Variants in FUT1 observed in about 807,000 individuals in gnomAD.
FUT1 encodes the protein galactoside alpha-(1,2)-fucosyltransferase 1.
For synonymous variants in FUT1, 215 were observed against 208.7 expected (o/e 1.03, Z -0.26); for missense variants, 476 against 492.7 (o/e 0.97, Z 0.32).
At chr19:48,753,200 C>CA (rs1453617402), upstream of FUT1, 2 of 152,318 alleles carry the variant, frequency 1.3e-5, no homozygotes, top group Non-Finnish European at 2.9e-5. Context: ...CTCCCGCGCC[C>CA]ACCAGGGTCT....
chr19:48,750,710 A>G lies in FUT1; in HGVS notation c.572T>C (p.Leu191Pro), dbSNP rs2033985172. The change falls in exon 2 of 2, where the codon CTT (leucine) becomes CCT (proline). Residue 191 changes from leucine (L) to proline (P), a missense_variant. Transcript: ENST00000645652. ...IRREFTLHDH[L>P]REEAQSVLGQ... ...CAGCACACTCTGCGCCTCTTCCCGA[A>G]GGTGGTCGTGCAGGGTGAACTCTCT... 1 of 1,613,376 alleles carries G rather than the reference A, an allele frequency of 6.2e-7. No individual in the cohort carries two copies.
rs11666959 is a variant in FUT1 at position 48,751,878 on chromosome 19, G to T, written c.-2-595C>A. Among the ~76,000 whole-genome samples the T allele has an allele frequency of 3.4e-3, 521 of 152,078 alleles. 1 individual carries two copies. The highest frequency in any genetic ancestry group is 0.02 in the Middle Eastern group (6 of 294). Reference sequence around the variant, plus strand: ...AGGCAGGAGAATCGCCTGAACCCGGGGGGCGGGAGTTGCGGTGAGCTGAGA... The same window carrying T: ...AGGCAGGAGAATCGCCTGAACCCGGTGGGCGGGAGTTGCGGTGAGCTGAGA... On this transcript the variant is annotated intron_variant, in intron 1 of 1. Coordinates refer to ENST00000645652, the MANE Select transcript of FUT1 (RefSeq NM_001384359.1).
At position 48,750,799 on chromosome 19, in the gene FUT1, G is replaced by C; in HGVS notation, c.483C>G (p.Phe161Leu). The C allele has an allele frequency of 6.2e-7, 1 of 1,613,992 alleles. No individual in the cohort carries two copies. The highest frequency in any genetic ancestry group is 8.5e-7 in the Non-Finnish European group (1 of 1,179,994). Reference sequence around the variant, plus strand: ...AGCAGGGGAAGCCAGAGAGCTTCAGGAAAGGATCTCTCAAGTCCGCGTACT... The same window carrying C: ...AGCAGGGGAAGCCAGAGAGCTTCAGCAAAGGATCTCTCAAGTCCGCGTACT... ...SEEYADLRDP[F>L]LKLSGFPCSW... Residue 161 changes from phenylalanine (F) to leucine (L), a missense_variant, in exon 2 of 2, where the codon TTC becomes TTG. Transcript: ENST00000645652.
chr19:48,751,126 C>T lies in FUT1; in HGVS notation c.156G>A (p.Val52=). 6.2e-7 allele frequency: 1 copy of T among 1,613,708 alleles called. No homozygotes were observed. The highest frequency in any genetic ancestry group is 8.5e-7 in the Non-Finnish European group (1 of 1,179,754). The change falls in exon 2 of 2, where the codon GTG becomes GTA. Residue 52 remains valine, a synonymous_variant. Transcript: ENST00000645652. ...CAGTACCCGGCAGGCAGAAGATGGC[C>T]ACTGGGGGTGTCACCAGGCGGCGGT... ...CPDRRLVTPP[V]AIFCLPGTAM...
chr19:48,754,395 A>G (rs1444941549), upstream of FUT1, among the ~76,000 whole-genome samples: 1 of 152,242 alleles, frequency 6.6e-6, no homozygotes, highest in African/African-American at 2.4e-5. Context: ...GACTCCTCCA[A>G]GAAAAGGAGA....
rs1263316342 is a variant in FUT1, at chr19:48,748,260, C to G, written c.*1924G>C. On this transcript the variant is annotated 3_prime_UTR_variant, in exon 2 of 2. Coordinates refer to ENST00000645652, the MANE Select transcript of FUT1 (RefSeq NM_001384359.1). ...ACCTTGGCCAGACCTCGTGCTCCTGCCTGGATCTGAGGCTGGGTCCAGGGT... is the reference window on the plus strand; with the variant it reads ...ACCTTGGCCAGACCTCGTGCTCCTGGCTGGATCTGAGGCTGGGTCCAGGGT... 6.6e-6 allele frequency: 1 copy of G among 152,322 alleles called. No individual in the cohort carries two copies. Among genetic ancestry groups the G allele is most frequent in the Non-Finnish European group, 1.5e-5 (1 of 68,044 alleles). 9.4% of individuals were successfully genotyped at this position (152,322 alleles called of 1,614,324 possible). A position where few individuals can be genotyped will look rare whatever the true frequency, so the allele number is the denominator to read the frequency against.
upstream of FUT1, chr19:48,752,810 C>G (rs2034024969): frequency 1.1e-5 from 11 of 985,470 alleles, no homozygotes; most frequent in Non-Finnish European, 1.3e-5. This position sits in a 1 kb window ranked among gnomAD's most constrained non-coding sequence, Gnocchi z 4.3. Context: ...CACCGCTCCC[C>G]AGATCGGGGA....
Position 48,750,959 on chromosome 19 carries a change from C to A in FUT1, c.323G>T (p.Arg108Leu), listed in dbSNP as rs1486106461. Residue 108 changes from arginine to leucine, a missense_variant, in exon 2 of 2, where the codon CGC (arginine) becomes CTC (leucine). Coordinates refer to ENST00000645652, the MANE Select transcript of FUT1 (RefSeq NM_001384359.1). ...CATGGCAGGCAGGATAAAGGCCCGGCGGCCGTTGAGCTGGGCCAGAGCCAG... is the reference window on the plus strand; with the variant it reads ...CATGGCAGGCAGGATAAAGGCCCGGAGGCCGTTGAGCTGGGCCAGAGCCAG... ...TLLALAQLNG[R>L]RAFILPAMHA... 3 of 1,603,840 alleles carry A rather than the reference C, an allele frequency of 1.9e-6. No homozygotes were observed. Among genetic ancestry groups the A allele is most frequent in the Non-Finnish European group, 2.6e-6 (3 of 1,173,806 alleles).
upstream of FUT1, among the ~76,000 whole-genome samples, chr19:48,754,591 T>C (rs1200311254): frequency 6.6e-6 from 1 of 152,202 alleles, no homozygotes; most frequent in Non-Finnish European, 1.5e-5. Context: ...CCTGGTTATA[T>C]TAGTTATACA....
chr19:48,751,785 C>G (rs947925031), intron 1 of FUT1, among the ~76,000 whole-genome samples: 1 of 152,110 alleles, frequency 6.6e-6, no homozygotes, highest in Non-Finnish European at 1.5e-5. Flanking sequence ...AACCCTGTCT[C>G]TACTTAAAAT....
At chr19:48,751,649 T>A (rs2034004926) in intron 1 of FUT1, among the ~76,000 whole-genome samples, 2 of 151,384 alleles carry the variant, frequency 1.3e-5, no homozygotes, top group East Asian at 2.0e-4. Context: ...TACAAAAAAA[T>A]TTTAAAATTA....
At position 48,752,523 on chromosome 19, in the gene FUT1, G is replaced by A. The variant is rs1237336594; in HGVS notation, c.-36C>T. ...CTTGCAGGTGGCAGATCCACAGTCC[G>A]CTTTTCGTGGCCGGAGCGCACCCTC... is the stretch of plus-strand genomic sequence containing the variant. On this transcript the variant is annotated 5_prime_UTR_variant, in exon 1 of 2. Transcript: ENST00000645652. This position sits in a 1 kb window ranked among gnomAD's most constrained non-coding sequence, Gnocchi z 4.3. The A allele has an allele frequency of 4.1e-6, 4 of 985,336 alleles. No individual in the cohort carries two copies. The highest frequency in any genetic ancestry group is 4.8e-6 in the Non-Finnish European group (4 of 829,946). 61.0% of individuals were successfully genotyped at this position (985,336 alleles called of 1,614,324 possible).
chr19:48,751,947 G>A (rs1485741903), intron 1 of FUT1, among the ~76,000 whole-genome samples: 3 of 145,264 alleles, frequency 2.1e-5, no homozygotes, highest in Non-Finnish European at 3.0e-5. Context: ...GTGAAACTCC[G>A]TCTCCAAAAA....
rs1028480219 is a variant in FUT1 at position 48,749,208 on chromosome 19, A to G, written c.*976T>C. ...ACTCAGGAGGCTGAGGCAGAATGGC[A>G]TGAACCCGGGAGGCAGAGCTTGCAG... On this transcript the variant is annotated 3_prime_UTR_variant, in exon 2 of 2. Transcript: ENST00000645652. 6 of 151,904 alleles carry G rather than the reference A, an allele frequency of 3.9e-5. No individual in the cohort carries two copies. The highest frequency in any genetic ancestry group is 2.6e-4 in the Admixed American group (4 of 15,222). 9.4% of individuals were successfully genotyped at this position (151,904 alleles called of 1,614,324 possible). A position where few individuals can be genotyped will look rare whatever the true frequency, so the allele number is the denominator to read the frequency against.
Position 48,750,466 on chromosome 19 carries a change from G to A in FUT1, c.816C>T (p.Ile272=), listed in dbSNP as rs372098733. 3.5e-5 allele frequency: 56 copies of A among 1,614,006 alleles called. No homozygotes were observed. Among genetic ancestry groups the A allele is most frequent in the Admixed American group, 8.3e-5 (5 of 59,992 alleles). ...SNGMEWCKEN[I]DTSQGDVTFA... ...ACGTCACATCGCCCTGGGAGGTGTC[G>A]ATGTTTTCTTTACACCACTCCATGC... The change falls in exon 2 of 2, where the codon ATC becomes ATT. Residue 272 remains isoleucine, a synonymous_variant. Transcript: ENST00000645652.
In FUT1 at chr19:48,751,260, G is replaced by C; in HGVS notation, c.22C>G (p.Gln8Glu). Residue 8 changes from glutamine (Q) to glutamate (E), a missense_variant, in exon 2 of 2, where the codon CAG becomes GAG. Transcript: ENST00000645652. MWLRSHRQLCLAFLLVCV... is the reference protein window; with the variant it reads MWLRSHRELCLAFLLVCV... Reference sequence around the variant, plus strand: ...ACTAGCAGGAAGGCCAGGCAGAGCTGACGATGGCTCCGGAGCCACATGGCT... The same window carrying C: ...ACTAGCAGGAAGGCCAGGCAGAGCTCACGATGGCTCCGGAGCCACATGGCT... The C allele has an allele frequency of 3.7e-6, 6 of 1,614,120 alleles. No homozygotes were observed. The highest frequency in any genetic ancestry group is 5.1e-6 in the Non-Finnish European group (6 of 1,180,028).
chr19:48,751,318 TGAGGCTGAGGAGGG>T (rs2034001076), intron 1 of FUT1, 35 bp from the exon 2 acceptor site: 31 of 1,608,290 alleles, frequency 1.9e-5, no homozygotes, highest in Non-Finnish European at 2.3e-5. Context: ...GCAAATGCTC[TGAGGCTGAGGAGGG>T]GAGGCTGAGG....
At chr19:48,752,836 C>T (rs2122562254), upstream of FUT1, 1 of 985,556 alleles carries the variant, frequency 1.0e-6, no homozygotes, top group Non-Finnish European at 1.2e-6. The surrounding 1 kb of genome is among the most constrained non-coding windows in gnomAD (Gnocchi z 4.3). Context: ...GGGACCGCGC[C>T]CTGCCCCTCC....
In FUT1 at chr19:48,750,431, T is replaced by C; in HGVS notation, c.851A>G (p.Asp284Gly). 1 of 1,614,232 alleles carries C rather than the reference T, an allele frequency of 6.2e-7. No homozygotes were observed. Among genetic ancestry groups the C allele is most frequent in the South Asian group, 1.1e-5 (1 of 91,080 alleles). ...TSQGDVTFAGDGQEATPWKDF... is the reference protein window; with the variant it reads ...TSQGDVTFAGGGQEATPWKDF... ...TTTCCACGGTGTAGCCTCCTGTCCATCGCCAGCAAACGTCACATCGCCCTG... is the reference window on the plus strand; with the variant it reads ...TTTCCACGGTGTAGCCTCCTGTCCACCGCCAGCAAACGTCACATCGCCCTG... The change falls in exon 2 of 2, where the codon GAT becomes GGT. Residue 284 changes from aspartate to glycine, a missense_variant. Physicochemically the swap from Asp to Gly is moderately conservative, Grantham distance 94. Transcript: ENST00000645652.
Sources: gnomAD v4.1 joint callset for allele counts (sites outside exome capture counted in the v4.1 genomes callset) on GRCh38, gnomAD v4.1.1 for gene constraint, Gnocchi (gnomAD v3.1) non-coding constraint, MANE v1.5 for transcripts, NCBI Gene and HGNC (gene_info 2026-07-23, HGNC 2026-07-21) for gene names.